The following TIAM2 variants were observed in gnomAD, a reference collection of about 807,000 sequenced individuals.
The protein encoded by TIAM2 is rho guanine nucleotide exchange factor TIAM2.
A neutral mutation model predicts 152.9 loss-of-function variants in TIAM2; 80 were observed. That is an observed-to-expected ratio of 0.52 (90% CI 0.44 to 0.63). The LOEUF is 0.63. Among genes scored for constraint, TIAM2 ranks in the 30% least tolerant of loss-of-function variants. The pLI is 0.00. For synonymous variants in TIAM2, 804 were observed against 838.0 expected, an observed-to-expected ratio of 0.96 and a Z score of 0.70; for missense variants, 1,965 against 2,120.1, an observed-to-expected ratio of 0.93 and a Z score of 1.44.
At chr6:155,140,714 T>C (rs770995215) in intron 5 of TIAM2, among the ~76,000 whole-genome samples, 1 of 151,930 alleles carries the variant, frequency 6.6e-6, no homozygotes, top group Non-Finnish European at 1.5e-5. Context: ...ATATTTAGCA[T>C]GGAGAAAATA....
chr6:155,050,349 A>AT (rs1254417735), intron 1 of TIAM2, among the ~76,000 whole-genome samples: 1 of 152,176 alleles, frequency 6.6e-6, no homozygotes, highest in Non-Finnish European at 1.5e-5. Flanking sequence ...AATCAAAACA[A>AT]TGACTTTGGA....
chr6:155,123,885 G>A (rs117547922), intron 2 of TIAM2, among the ~76,000 whole-genome samples: 2 of 152,350 alleles, frequency 1.3e-5, no homozygotes, highest in East Asian at 3.9e-4. Flanking sequence ...CACTCACTGT[G>A]ACAGTCTGAG....
chr6:155,138,648 A>G (rs905184116), intron 5 of TIAM2, among the ~76,000 whole-genome samples: 23 of 151,878 alleles, frequency 1.5e-4, no homozygotes, highest in African/African-American at 2.9e-4. Flanking sequence ...ATGTGTTCTC[A>G]TTGTTCAATT....
chr6:155,088,052 C>CTTTTTTTTTTTTTTTTT (rs113372173), intron 1 of TIAM2, among the ~76,000 whole-genome samples: 1 of 118,996 alleles, frequency 8.4e-6, no homozygotes, highest in African/African-American at 3.3e-5. Flanking sequence ...TTCTTTCTTT[C>CTTTTTTTTTTTTTTTTT]TTTTTTTTTT....
chr6:155,131,038 CTTCCA>C lies in TIAM2; in HGVS notation c.1194+623_1194+627del, dbSNP rs576437586. ...CTGGTTCTGTGCATGTCCCTGCACT[CTTCCA>C]TGCACTCCACAGGCCTAATCTTAAG... is the stretch of plus-strand genomic sequence containing the variant. On this transcript the variant is annotated intron_variant, in intron 4 of 26. Transcript: ENST00000682666. Among the ~76,000 whole-genome samples, 10 of 152,338 alleles carry C rather than the reference CTTCCA, an allele frequency of 6.6e-5. No homozygotes were observed. The East Asian group carries it at 1.9e-3, about 29-fold the overall frequency.
chr6:155,070,983 G>A (rs1381691314), intron 1 of TIAM2, among the ~76,000 whole-genome samples: 1 of 152,080 alleles, frequency 6.6e-6, no homozygotes, highest in Non-Finnish European at 1.5e-5. Context: ...ACCAGCCTGG[G>A]CAACATGGCA....
chr6:155,245,746 C>A lies in TIAM2; in HGVS notation c.3652+15C>A. 1.9e-6 allele frequency: 2 copies of A among 1,070,866 alleles called. No homozygotes were observed. Among genetic ancestry groups the A allele is most frequent in the Non-Finnish European group, 2.6e-6 (2 of 768,570 alleles). 66.3% of individuals were successfully genotyped at this position (1,070,866 alleles called of 1,614,324 possible). A position where few individuals can be genotyped will look rare whatever the true frequency, so the allele number is the denominator to read the frequency against. ...TCTGGAGCGAGGTAAGTTGCTTATG[C>A]CTTTTATAGTTTTTTTTTTTTTTTG... On this transcript the variant is annotated intron_variant, in intron 19 of 26. Coordinates refer to ENST00000682666, the MANE Select transcript of TIAM2 (RefSeq NM_012454.4).
At position 155,205,526 on chromosome 6, in the gene TIAM2, G is replaced by A. The variant is rs532559684; in HGVS notation, c.3065-5678G>A. On this transcript the variant is annotated intron_variant, in intron 14 of 26. Coordinates refer to ENST00000682666, the MANE Select transcript of TIAM2 (RefSeq NM_012454.4). ...CCTGGTGTCTCCAGGGTCTGCTGGC[G>A]GCCACCTGGTGGGTGTCCAGGGACT... Among the ~76,000 whole-genome samples the A allele has an allele frequency of 3.9e-5, 6 of 152,240 alleles. No homozygotes were observed. The East Asian group carries it at 9.7e-4, about 24-fold the overall frequency.
chr6:155,254,705 A>G, intron 26 of TIAM2, 132 bp downstream of exon 26: 1 of 1,170,774 alleles, frequency 8.5e-7, no homozygotes, highest in Non-Finnish European at 1.2e-6. Context: ...CCTTTTAAGA[A>G]ACCTAAACAT....
chr6:155,178,292 C>G (rs756693595), intron 10 of TIAM2, among the ~76,000 whole-genome samples: 1 of 150,992 alleles, frequency 6.6e-6, no homozygotes, highest in Non-Finnish European at 1.5e-5. Flanking sequence ...TGTGCGTACA[C>G]ATTTTCGTTT....
At chr6:154,997,355 T>C (rs1428081720) in intron 1 of TIAM2, among the ~76,000 whole-genome samples, 1 of 152,128 alleles carries the variant, frequency 6.6e-6, no homozygotes, top group Non-Finnish European at 1.5e-5. Context: ...CACTGCCACC[T>C]TGCACAGTTG....
chr6:155,198,489 C>A (rs1375255198), intron 14 of TIAM2, among the ~76,000 whole-genome samples: 1 of 151,798 alleles, frequency 6.6e-6, no homozygotes, highest in African/African-American at 2.4e-5. Flanking sequence ...ATGGAGAAAC[C>A]CCATCTTTAC....
chr6:155,251,667 T>C (rs1783662801), intron 22 of TIAM2, among the ~76,000 whole-genome samples: 1 of 152,234 alleles, frequency 6.6e-6, no homozygotes, highest in African/African-American at 2.4e-5. Flanking sequence ...CAGTATATTG[T>C]CACTGAGATG....
At chr6:155,193,417 A>G (rs1484462640) in intron 14 of TIAM2, among the ~76,000 whole-genome samples, 2 of 152,030 alleles carry the variant, frequency 1.3e-5, no homozygotes, top group Non-Finnish European at 2.9e-5. Context: ...AAAAAATGTC[A>G]CACTCAGATC....
rs750955423 is a variant in TIAM2 at position 155,129,841 on chromosome 6, G to A, written c.618G>A (p.Ser206=). The A allele has an allele frequency of 1.1e-5, 18 of 1,613,500 alleles. No individual in the cohort carries two copies. The South Asian group carries it at 1.4e-4, about 13-fold the overall frequency. The change falls in exon 4 of 27, where the codon TCG becomes TCA. Residue 206 remains serine, a synonymous_variant. Transcript: ENST00000682666. The surrounding 1 kb of genome is among the most constrained non-coding windows in gnomAD (Gnocchi z 4.8). The part of the protein sequence containing the change: ...QLLRYSPTLA[S]ETSPVPEARR... ...TGAGGTACTCACCTACCTTAGCATC[G>A]GAAACCTCCCCTGTGCCTGAAGCCA...
At chr6:155,035,962 G>C (rs905910743) in intron 1 of TIAM2, among the ~76,000 whole-genome samples, 1 of 152,118 alleles carries the variant, frequency 6.6e-6, no homozygotes, top group African/African-American at 2.4e-5. Context: ...TGGAGCTTGT[G>C]TTTAATGCTT....
At chr6:155,032,184 C>T (rs1776836868) in intron 1 of TIAM2, among the ~76,000 whole-genome samples, 1 of 152,130 alleles carries the variant, frequency 6.6e-6, no homozygotes, top group Non-Finnish European at 1.5e-5. Context: ...CCCAATGTTC[C>T]TGTGTGTTTT....
At chr6:155,253,502 A>C in intron 24 of TIAM2, 1 of 176,248 alleles carries the variant, frequency 5.7e-6, no homozygotes, top group Non-Finnish European at 1.2e-5. Context: ...GGTGACAGGT[A>C]TCTGGTGACA....
rs988709256 is a variant in TIAM2 at position 155,111,703 on chromosome 6, A to G, written c.-117-15787A>G. Among the ~76,000 whole-genome samples the G allele has an allele frequency of 7.9e-5, 12 of 152,262 alleles. 1 individual carries two copies. Among genetic ancestry groups the G allele is most frequent in the East Asian group, 5.8e-4 (3 of 5,188 alleles). Reference sequence around the variant, plus strand: ...TTGACCCATTCTAGGACATTTTAGGAATGGCCCCTCTCTCTGCACCACATC... The same window carrying G: ...TTGACCCATTCTAGGACATTTTAGGGATGGCCCCTCTCTCTGCACCACATC... On this transcript the variant is annotated intron_variant, in intron 2 of 26. Coordinates refer to ENST00000682666, the MANE Select transcript of TIAM2 (RefSeq NM_012454.4).
Sources: allele counts gnomAD v4.1 joint callset (sites outside exome capture counted in the v4.1 genomes callset), GRCh38; gene constraint gnomAD v4.1.1; non-coding constraint Gnocchi (gnomAD v3.1); transcripts MANE v1.5; gene names NCBI Gene and HGNC (gene_info 2026-07-23, HGNC 2026-07-21).